Variants in PTCHD4 observed in about 807,000 individuals in gnomAD.
The protein encoded by PTCHD4 is patched domain-containing protein 4.
PTCHD4 carries 33 observed loss-of-function variants against 58.1 expected under a neutral mutation model. That is an observed-to-expected ratio of 0.57 (90% CI 0.43 to 0.76). PTCHD4 has a LOEUF of 0.76. PTCHD4 is among the 30% of genes least tolerant of loss of function. The pLI, the probability that PTCHD4 is intolerant of heterozygous loss-of-function variation, is 0.00. For synonymous variants in PTCHD4, 478 were observed against 409.6 expected (o/e 1.17, Z -2.02); for missense variants, 1,058 against 1,027.1 (o/e 1.03, Z -0.41).
intron 4 of PTCHD4, among the ~76,000 whole-genome samples, chr6:47,922,145 A>C (rs1765453426): frequency 6.6e-6 from 1 of 152,016 alleles, no homozygotes; most frequent in Non-Finnish European, 1.5e-5. Context: ...TTAAAAGAAA[A>C]AAAAGTTACT....
intron 3 of PTCHD4, among the ~76,000 whole-genome samples, chr6:48,058,159 G>A (rs1764481194): frequency 6.6e-6 from 1 of 152,188 alleles, no homozygotes; most frequent in Non-Finnish European, 1.5e-5. Context: ...TATTTTTAAA[G>A]CTCCACTAAT....
intron 3 of PTCHD4, among the ~76,000 whole-genome samples, chr6:48,042,796 A>C (rs1763891035): frequency 6.6e-6 from 1 of 151,912 alleles, no homozygotes; most frequent in Non-Finnish European, 1.5e-5. Context: ...TGATATTGAA[A>C]ACTGAATAAA....
intron 4 of PTCHD4, among the ~76,000 whole-genome samples, chr6:47,919,851 G>T (rs552512463): frequency 2.0e-5 from 3 of 152,254 alleles, no homozygotes; most frequent in African/African-American, 7.2e-5. Flanking sequence ...AGACAGAAAG[G>T]CTATGTTGTT....
chr6:47,861,515 C>T lies in PTCHD4; in HGVS notation c.*16788G>A, dbSNP rs1763425178. Among the ~76,000 whole-genome samples the T allele has an allele frequency of 6.6e-6, 1 of 151,874 alleles. No individual in the cohort carries two copies. Among genetic ancestry groups the T allele is most frequent in the Non-Finnish European group, 1.5e-5 (1 of 67,900 alleles). ...AATACACTAATCAATCATTAGGCAT[C>T]CTTGCCTTCCTATCTTACCATTTTG... On this transcript the variant is annotated 3_prime_UTR_variant, in exon 5 of 5. Transcript: ENST00000339488.
chr6:48,089,955 T>G (rs1476821933), intron 1 of PTCHD4, among the ~76,000 whole-genome samples: 1 of 152,234 alleles, frequency 6.6e-6, no homozygotes. Context: ...TCTCTTTTAG[T>G]TGAAGACTCA....
chr6:47,967,185 G>A (rs1234642738), intron 4 of PTCHD4, among the ~76,000 whole-genome samples: 19 of 152,156 alleles, frequency 1.2e-4, no homozygotes, highest in Non-Finnish European at 2.4e-4. Flanking sequence ...GTGTTAGTAA[G>A]CATACAAACA....
rs1763782979 is a variant in PTCHD4, at chr6:47,873,952, C to A, written c.*4351G>T. Among the ~76,000 whole-genome samples the A allele has an allele frequency of 6.6e-6, 1 of 151,682 alleles. No individual in the cohort carries two copies. Among genetic ancestry groups the A allele is most frequent in the African/African-American group, 2.4e-5 (1 of 41,352 alleles). ...CACTTTTGCAAAGATTGCCAATATCCTTCGCAGACACCAACAAACCAGACT... is the reference window on the plus strand; with the variant it reads ...CACTTTTGCAAAGATTGCCAATATCATTCGCAGACACCAACAAACCAGACT... On this transcript the variant is annotated 3_prime_UTR_variant, in exon 5 of 5. Transcript: ENST00000339488.
intron 4 of PTCHD4, among the ~76,000 whole-genome samples, chr6:47,986,451 G>C (rs1231385572): frequency 6.6e-6 from 1 of 152,066 alleles, no homozygotes; most frequent in Admixed American, 6.5e-5. Flanking sequence ...AATTAAATTT[G>C]AATGCTTTTA....
At chr6:48,074,091 C>T (rs547375750) in intron 1 of PTCHD4, among the ~76,000 whole-genome samples, 41 of 151,714 alleles carry the variant, frequency 2.7e-4, no homozygotes, top group Non-Finnish European at 1.0e-4. Context: ...TCTTCTGTGA[C>T]GGGTTTAAGG....
chr6:47,902,016 A>G, intron 4 of PTCHD4: 2 of 873,786 alleles, frequency 2.3e-6, no homozygotes, highest in Non-Finnish European at 3.3e-6. Flanking sequence ...TTAGTATAGT[A>G]AAAACACTGG....
At chr6:47,941,796 A>T (rs1337855435) in intron 4 of PTCHD4, among the ~76,000 whole-genome samples, 1 of 152,246 alleles carries the variant, frequency 6.6e-6, no homozygotes, top group Non-Finnish European at 1.5e-5. Flanking sequence ...ATAGAGGCTG[A>T]TATATGTTTA....
chr6:48,058,261 G>C (rs1463704919), intron 3 of PTCHD4, among the ~76,000 whole-genome samples: 1 of 152,246 alleles, frequency 6.6e-6, no homozygotes, highest in African/African-American at 2.4e-5. Context: ...TGTTTCAGCA[G>C]ATCCCGAATT....
rs1763553802 is a variant in PTCHD4, at chr6:47,865,976, T to C, written c.*12327A>G. Among the ~76,000 whole-genome samples the C allele has an allele frequency of 6.6e-6, 1 of 151,828 alleles. No homozygotes were observed. Among genetic ancestry groups the C allele is most frequent in the African/African-American group, 2.4e-5 (1 of 41,408 alleles). The stretch of plus-strand genomic sequence containing the variant: ...TATTCTGTGCTTTTGTTGCATGTTA[T>C]GGCTTTGCTCAGTCTGGTCCCGTCA... On this transcript the variant is annotated 3_prime_UTR_variant, in exon 5 of 5. Transcript: ENST00000339488.
chr6:47,931,090 T>C (rs1158271343), intron 4 of PTCHD4, among the ~76,000 whole-genome samples: 1 of 152,206 alleles, frequency 6.6e-6, no homozygotes, highest in African/African-American at 2.4e-5. Flanking sequence ...CGGCCGAGCA[T>C]TGTGTTTTAT....
intron 4 of PTCHD4, among the ~76,000 whole-genome samples, chr6:48,006,634 A>T (rs951296659): frequency 3.3e-5 from 5 of 152,244 alleles, no homozygotes; most frequent in African/African-American, 1.2e-4. Flanking sequence ...CATTGGTGAC[A>T]AGAATTTTTT....
chr6:48,033,371 G>A (rs1405334135), intron 3 of PTCHD4, among the ~76,000 whole-genome samples: 1 of 151,858 alleles, frequency 6.6e-6, no homozygotes, highest in Non-Finnish European at 1.5e-5. Flanking sequence ...AATCTTTGGA[G>A]CCTGATGTGC....
intron 3 of PTCHD4, among the ~76,000 whole-genome samples, chr6:48,030,757 G>A (rs568351531): frequency 2.0e-5 from 3 of 152,248 alleles, no homozygotes; most frequent in Middle Eastern, 3.4e-3. Context: ...ATAAACTGCA[G>A]TGATACCAAC....
At chr6:48,090,004 T>C (rs189099898) in intron 1 of PTCHD4, among the ~76,000 whole-genome samples, 9 of 152,318 alleles carry the variant, frequency 5.9e-5, no homozygotes, top group Admixed American at 2.6e-4. Flanking sequence ...CTGTTCTATA[T>C]AGTTTCTCAG....
At chr6:47,888,346 G>A (rs1017858353) in intron 4 of PTCHD4, among the ~76,000 whole-genome samples, 1 of 151,780 alleles carries the variant, frequency 6.6e-6, no homozygotes, top group Non-Finnish European at 1.5e-5. Context: ...GACAGCGCGA[G>A]ACTCAGTCCC....
Sources: gnomAD v4.1 joint callset for allele counts (sites outside exome capture counted in the v4.1 genomes callset) on GRCh38, gnomAD v4.1.1 for gene constraint, MANE v1.5 for transcripts, NCBI Gene and HGNC (gene_info 2026-07-23, HGNC 2026-07-21) for gene names.